Variants in RNF150 observed in about 807,000 individuals in gnomAD.
RNF150 encodes ring finger protein 150.
Under a neutral mutation model 39.3 loss-of-function variants are expected in RNF150, and 24 were observed. The observed-to-expected ratio is 0.61, with a 90% CI of 0.44 to 0.86. The LOEUF (loss-of-function observed/expected upper bound fraction) is 0.86, where lower values mean the gene tolerates loss of function less well. Ranked by LOEUF, RNF150 falls within the 40% of genes least tolerant of loss-of-function variation. The pLI is 0.00. For synonymous variants in RNF150, 255 were observed against 227.3 expected (o/e 1.12, Z -1.10); for missense variants, 502 against 587.8 (o/e 0.85, Z 1.51).
At chr4:140,898,373 T>A (rs1258847927) in intron 6 of RNF150, among the ~76,000 whole-genome samples, 2 of 152,096 alleles carry the variant, frequency 1.3e-5, no homozygotes, top group Non-Finnish European at 2.9e-5. Context: ...ATGAGAAATT[T>A]CAATCATCCC....
intron 1 of RNF150, among the ~76,000 whole-genome samples, chr4:141,021,801 G>T (rs183976148): frequency 8.6e-4 from 131 of 152,302 alleles, no homozygotes; most frequent in South Asian, 1.2e-3. Context: ...TGGGAATCAG[G>T]CTATTGGTCA....
intron 1 of RNF150, among the ~76,000 whole-genome samples, chr4:141,170,167 CT>C (rs1365519259): frequency 6.6e-6 from 1 of 152,116 alleles, no homozygotes; most frequent in East Asian, 1.9e-4. Flanking sequence ...CTTAATGAGC[CT>C]TTTCAGACTT....
At chr4:140,937,030 G>A (rs1731888012) in intron 4 of RNF150, among the ~76,000 whole-genome samples, 1 of 152,086 alleles carries the variant, frequency 6.6e-6, no homozygotes, top group Non-Finnish European at 1.5e-5. Flanking sequence ...TTTCAGGAAA[G>A]CAATTGGATA....
At chr4:140,879,575 C>T (rs1426060556) in intron 6 of RNF150, among the ~76,000 whole-genome samples, 1 of 152,070 alleles carries the variant, frequency 6.6e-6, no homozygotes, top group Non-Finnish European at 1.5e-5. Context: ...TTGTACCCTG[C>T]ACTTTGGGAG....
chr4:141,123,568 A>G (rs1030716239), intron 1 of RNF150, among the ~76,000 whole-genome samples: 1 of 152,006 alleles, frequency 6.6e-6, no homozygotes. Flanking sequence ...TTTTTTTATT[A>G]TACTTTAAGT....
intron 1 of RNF150, among the ~76,000 whole-genome samples, chr4:141,030,396 TC>T (rs1735894141): frequency 6.6e-6 from 1 of 152,180 alleles, no homozygotes; most frequent in African/African-American, 2.4e-5. Flanking sequence ...GTTTGACAGT[TC>T]CCAAGAGGTT....
chr4:140,948,641 A>G (rs1467274975), intron 3 of RNF150, among the ~76,000 whole-genome samples: 1 of 152,140 alleles, frequency 6.6e-6, no homozygotes, highest in East Asian at 1.9e-4. Context: ...GTCTTTCTAC[A>G]TTGCCCAGGC....
intron 1 of RNF150, among the ~76,000 whole-genome samples, chr4:141,192,624 TG>T (rs1389467116): frequency 6.6e-6 from 1 of 152,074 alleles, no homozygotes; most frequent in Non-Finnish European, 1.5e-5. Context: ...GGGGAAGACA[TG>T]TAGGAGAGTT....
chr4:140,946,511 G>A (rs866448977), intron 4 of RNF150, among the ~76,000 whole-genome samples: 9 of 151,554 alleles, frequency 5.9e-5, no homozygotes, highest in African/African-American at 1.9e-4. Flanking sequence ...TCTCGCTGTC[G>A]CCCAGTGCGG....
chr4:140,908,218 T>G (rs1043436008), intron 6 of RNF150, among the ~76,000 whole-genome samples: 2 of 152,222 alleles, frequency 1.3e-5, no homozygotes, highest in African/African-American at 4.8e-5. Flanking sequence ...TAATTAAATC[T>G]TAATTTGAGT....
chr4:141,022,206 TG>T (rs1212965348), intron 1 of RNF150, among the ~76,000 whole-genome samples: 1 of 152,110 alleles, frequency 6.6e-6, no homozygotes, highest in Non-Finnish European at 1.5e-5. Context: ...CTCTTTGCAC[TG>T]GGTTTTTTTT....
chr4:141,027,641 C>T (rs1221526584), intron 1 of RNF150, among the ~76,000 whole-genome samples: 1 of 152,148 alleles, frequency 6.6e-6, no homozygotes, highest in Non-Finnish European at 1.5e-5. Context: ...AAAAATCTCT[C>T]ATGTTGCATC....
At chr4:141,055,022 T>G (rs1736915755) in intron 1 of RNF150, among the ~76,000 whole-genome samples, 1 of 152,132 alleles carries the variant, frequency 6.6e-6, no homozygotes, top group Admixed American at 6.6e-5. Context: ...GGAGCACAAT[T>G]AAAGTGAAAC....
rs1728784485 is a variant in RNF150 at position 140,868,123 on chromosome 4, C to T, written c.*138G>A. 1 of 618,330 alleles carries T rather than the reference C, an allele frequency of 1.6e-6. No homozygotes were observed. Among genetic ancestry groups the T allele is most frequent in the Non-Finnish European group, 2.9e-6 (1 of 343,028 alleles). The allele number at this position is 618,330 out of a possible 1,614,324, so 38.3% of individuals were successfully genotyped here. A position where few individuals can be genotyped will look rare whatever the true frequency, so the allele number is the denominator to read the frequency against. ...TGACAAGACTTTGGATATTGCTTTT[C>T]GTCAGCATTCTTGAACGGAGCGCCC... On this transcript the variant is annotated 3_prime_UTR_variant, in exon 7 of 7. Transcript: ENST00000515673.
At chr4:141,196,543 C>G (rs931348351) in intron 1 of RNF150, among the ~76,000 whole-genome samples, 1 of 152,146 alleles carries the variant, frequency 6.6e-6, no homozygotes, top group Non-Finnish European at 1.5e-5. Context: ...GAGAATTGCT[C>G]CATTATGCTT....
intron 1 of RNF150, among the ~76,000 whole-genome samples, chr4:141,143,907 A>T (rs1403662304): frequency 6.6e-6 from 1 of 151,720 alleles, no homozygotes; most frequent in Non-Finnish European, 1.5e-5. Context: ...CCTAGAATAA[A>T]TCTCCTTTCA....
chr4:141,068,024 C>T (rs138253109), intron 1 of RNF150, among the ~76,000 whole-genome samples: 1 of 151,866 alleles, frequency 6.6e-6, no homozygotes, highest in Non-Finnish European at 1.5e-5. Flanking sequence ...TGGCTCACTG[C>T]AACCTCTGCC....
At chr4:141,054,731 T>C (rs1314936873) in intron 1 of RNF150, among the ~76,000 whole-genome samples, 2 of 152,138 alleles carry the variant, frequency 1.3e-5, no homozygotes, top group African/African-American at 4.8e-5. Flanking sequence ...AGAGCTGTGA[T>C]AGTGAATCTA....
intron 1 of RNF150, among the ~76,000 whole-genome samples, chr4:141,008,079 T>C (rs1734937638): frequency 6.6e-6 from 1 of 152,208 alleles, no homozygotes; most frequent in African/African-American, 2.4e-5. Context: ...GGAAGATCTT[T>C]ATCCATTAGG....
Sources: allele counts gnomAD v4.1 joint callset (sites outside exome capture counted in the v4.1 genomes callset), GRCh38; gene constraint gnomAD v4.1.1; transcripts MANE v1.5; gene names NCBI Gene and HGNC (gene_info 2026-07-23, HGNC 2026-07-21).